SYT2: variants seen among roughly 807,000 people sequenced by gnomAD.
The protein encoded by SYT2 is synaptotagmin-2.
In SYT2, 15 loss-of-function variants were observed where a neutral mutation model predicts 39.9. That is an observed-to-expected ratio of 0.38 (90% CI 0.25 to 0.58). The LOEUF (loss-of-function observed/expected upper bound fraction) is 0.58, where lower values mean the gene tolerates loss of function less well. Ranked by LOEUF, SYT2 falls within the 20% of genes least tolerant of loss-of-function variation. SYT2 has a pLI of 0.70. For missense variants in SYT2, 389 were observed against 530.3 expected, an observed-to-expected ratio of 0.73 and a Z score of 2.62; for synonymous variants, 181 against 204.5, an observed-to-expected ratio of 0.89 and a Z score of 0.98.
intron 1 of SYT2, among the ~76,000 whole-genome samples, chr1:202,643,124 GCA>G (rs1250293240): frequency 1.3e-5 from 2 of 152,240 alleles, no homozygotes; most frequent in African/African-American, 4.8e-5. Context: ...CCCGCAGTGA[GCA>G]CCAAGTCCCA....
At chr1:202,618,400 A>AGTGTGTGTGT (rs57621822) in intron 1 of SYT2, among the ~76,000 whole-genome samples, 10,925 of 148,800 alleles carry the variant, frequency 0.073, 477 homozygotes, top group African/African-American at 0.12. Context: ...GTCTGGTGTG[A>AGTGTGTGTGT]GTGTGTGTGT....
At chr1:202,639,957 A>G (rs1558443265) in intron 1 of SYT2, 4 of 385,688 alleles carry the variant, frequency 1.0e-5, no homozygotes, top group Non-Finnish European at 1.4e-5. Context: ...TGCATTAGTC[A>G]ATAACACACT....
intron 5 of SYT2, 117 bp downstream of exon 5, chr1:202,602,261 C>G: frequency 7.6e-7 from 1 of 1,314,220 alleles, no homozygotes; most frequent in Non-Finnish European, 1.1e-6. Context: ...GCCCTGCAGT[C>G]AAGGCTGCCA....
intron 1 of SYT2, among the ~76,000 whole-genome samples, chr1:202,707,077 GGAAACAGGTC>G (rs1223833774): frequency 2.0e-5 from 3 of 152,138 alleles, no homozygotes; most frequent in Non-Finnish European, 4.4e-5. Context: ...CACGAGGGCA[GGAAACAGGTC>G]TGTTTTGTTC....
Position 202,596,681 on chromosome 1 carries a change from G to A in SYT2, c.*76C>T, listed in dbSNP as rs1690308829. On this transcript the variant is annotated 3_prime_UTR_variant, in exon 9 of 9. Transcript: ENST00000367268. Reference sequence around the variant, plus strand: ...TGAAAGAAAAAAGAAAACCTCTAAGGTTGCATAACTGAGGTATTGATAGCT... The same window carrying A: ...TGAAAGAAAAAAGAAAACCTCTAAGATTGCATAACTGAGGTATTGATAGCT... 2 of 1,361,922 alleles carry A rather than the reference G, an allele frequency of 1.5e-6. No individual in the cohort carries two copies. The highest frequency in any genetic ancestry group is 1.4e-5 in the African/African-American group (1 of 69,152). The allele number at this position is 1,361,922 out of a possible 1,614,324, so 84.4% of individuals were successfully genotyped here.
In SYT2 at chr1:202,595,630, G is replaced by C. The variant is rs1000124751; in HGVS notation, c.*1127C>G. 6 of 152,150 alleles carry C rather than the reference G, an allele frequency of 3.9e-5. No homozygotes were observed. The highest frequency in any genetic ancestry group is 1.4e-4 in the African/African-American group (6 of 41,414). The allele number at this position is 152,150 out of a possible 1,614,324, so 9.4% of individuals were successfully genotyped here. A position where few individuals can be genotyped will look rare whatever the true frequency, so the allele number is the denominator to read the frequency against. On this transcript the variant is annotated 3_prime_UTR_variant, in exon 9 of 9. Coordinates refer to ENST00000367268, the MANE Select transcript of SYT2 (RefSeq NM_177402.5). ...TAAACTTTCCTTTTAAAGTTCTCTGGCTCTGCACAGATAACGTGTCTTCAG... is the reference window on the plus strand; with the variant it reads ...TAAACTTTCCTTTTAAAGTTCTCTGCCTCTGCACAGATAACGTGTCTTCAG...
chr1:202,603,893 A>G (rs1035771920), intron 3 of SYT2, among the ~76,000 whole-genome samples: 2 of 152,110 alleles, frequency 1.3e-5, no homozygotes, highest in African/African-American at 4.8e-5. Context: ...CCAAACAAAC[A>G]TGGGGGAAAT....
intron 2 of SYT2, 49 bp from the exon 3 acceptor site, chr1:202,604,670 CCCCTGA>C: frequency 6.3e-7 from 1 of 1,577,234 alleles, no homozygotes; most frequent in Non-Finnish European, 8.6e-7. Context: ...TGCCTTGCAG[CCCCTGA>C]CCCCGTAGCA....
At chr1:202,598,897 C>G (rs1690394406) in intron 8 of SYT2, among the ~76,000 whole-genome samples, 1 of 152,140 alleles carries the variant, frequency 6.6e-6, no homozygotes, top group South Asian at 2.1e-4. Flanking sequence ...GCGGCCACTC[C>G]CACCCTCTCA....
rs562519446 is a variant in SYT2, at chr1:202,631,624, AGG to A, written c.-17-25837_-17-25836del. Among the ~76,000 whole-genome samples the A allele has an allele frequency of 1.6e-4, 24 of 152,266 alleles. No individual in the cohort carries two copies. In the South Asian group the frequency reaches 5.0e-3, roughly 32 times the overall value. On this transcript the variant is annotated intron_variant, in intron 1 of 8. Coordinates refer to ENST00000367268, the MANE Select transcript of SYT2 (RefSeq NM_177402.5). ...GACTTGCGGCTCCTTCACAGCACCG[AGG>A]GCTGGAGCCAGAAGATGGATGAACC...
At position 202,649,142 on chromosome 1, in the gene SYT2, G is replaced by A. The variant is rs1692143727; in HGVS notation, c.-17-43353C>T. ...CAGGCACATCAGCAGGAGGAGCAGG[G>A]CCCAGGCATCAGAGGCCATGCAGCA... On this transcript the variant is annotated intron_variant, in intron 1 of 8. Transcript: ENST00000367268. Among the ~76,000 whole-genome samples, 4 of 152,372 alleles carry A rather than the reference G, an allele frequency of 2.6e-5. No homozygotes were observed. In the South Asian group the frequency reaches 8.3e-4, roughly 32 times the overall value.
In SYT2 at chr1:202,596,619, AAAAC is replaced by A. The variant is rs138552846; in HGVS notation, c.*134_*137del. On this transcript the variant is annotated 3_prime_UTR_variant, in exon 9 of 9. Transcript: ENST00000367268. ...AGGGAAGTTGGTCTTTAAAAAGAGA[AAAAC>A]AAGGAAAAACAAGGACACAACCACC... The A allele has an allele frequency of 0.12, 101,243 of 827,544 alleles. 10,953 individuals are homozygous for A. The highest frequency in any genetic ancestry group is 0.42 in the East Asian group (15,327 of 36,832). 51.3% of individuals were successfully genotyped at this position (827,544 alleles called of 1,614,324 possible).
chr1:202,600,568 G>GACAC, intron 6 of SYT2, 94 bp from the exon 7 acceptor site: 2 of 1,095,478 alleles, frequency 1.8e-6, no homozygotes, highest in Non-Finnish European at 2.8e-6. Context: ...GCAAGGCAGT[G>GACAC]ATGTGTCCCT....
chr1:202,706,749 T>C (rs1009751026), intron 1 of SYT2, among the ~76,000 whole-genome samples: 6 of 152,226 alleles, frequency 3.9e-5, no homozygotes, highest in African/African-American at 1.4e-4. Context: ...CTGGCCTGGC[T>C]TCTCTGACTG....
chr1:202,665,439 A>G (rs1185256128), intron 1 of SYT2, among the ~76,000 whole-genome samples: 1 of 152,220 alleles, frequency 6.6e-6, no homozygotes, highest in Non-Finnish European at 1.5e-5. Flanking sequence ...CTTGTCACAG[A>G]GACAGGCAGA....
At chr1:202,658,471 G>C (rs781539381) in intron 1 of SYT2, among the ~76,000 whole-genome samples, 1 of 152,062 alleles carries the variant, frequency 6.6e-6, no homozygotes, top group Non-Finnish European at 1.5e-5. Flanking sequence ...GTCCAGTCCA[G>C]AGCTGAGTGG....
At chr1:202,687,380 C>A (rs1223201397) in intron 1 of SYT2, among the ~76,000 whole-genome samples, 1 of 152,170 alleles carries the variant, frequency 6.6e-6, no homozygotes, top group South Asian at 2.1e-4. Context: ...TTCATCTCTA[C>A]GTGAGTTACT....
intron 1 of SYT2, among the ~76,000 whole-genome samples, chr1:202,674,533 G>C (rs997170736): frequency 6.6e-6 from 1 of 152,200 alleles, no homozygotes; most frequent in African/African-American, 2.4e-5. Context: ...ATAGAAATAT[G>C]AGCTTTGATA....
intron 1 of SYT2, among the ~76,000 whole-genome samples, chr1:202,709,274 G>A (rs1654329780): frequency 2.0e-5 from 3 of 152,172 alleles, no homozygotes; most frequent in African/African-American, 7.2e-5. Flanking sequence ...ACCTCAGCCA[G>A]GGGTAAGGGA....
Sources: allele counts gnomAD v4.1 joint callset (sites outside exome capture counted in the v4.1 genomes callset), GRCh38; gene constraint gnomAD v4.1.1; transcripts MANE v1.5; gene names NCBI Gene and HGNC (gene_info 2026-07-23, HGNC 2026-07-21).